MBD5: variants seen among roughly 807,000 people sequenced by gnomAD.
MBD5 encodes the protein methyl-CpG binding domain protein 5.
MBD5 carries 13 observed loss-of-function variants against 117.3 expected under a neutral mutation model. The observed-to-expected ratio is 0.11, with a 90% confidence interval of 0.07 to 0.18. The LOEUF (loss-of-function observed/expected upper bound fraction) is 0.18, where lower values mean the gene tolerates loss of function less well. Ranked by LOEUF, MBD5 falls within the 10% of genes least tolerant of loss-of-function variation. The pLI is 1.00. For missense variants in MBD5, 1,879 were observed against 2,093.8 expected (o/e 0.90, Z 2.00); for synonymous variants, 727 against 766.4 (o/e 0.95, Z 0.85).
At chr2:148,465,140 T>A (rs1707220599) in intron 7 of MBD5, among the ~76,000 whole-genome samples, 1 of 152,208 alleles carries the variant, frequency 6.6e-6, no homozygotes, top group Non-Finnish European at 1.5e-5. Flanking sequence ...TTCCTCAGTT[T>A]GGATTTTCCT....
At chr2:148,132,536 G>C (rs1697075685) in intron 1 of MBD5, among the ~76,000 whole-genome samples, 1 of 151,862 alleles carries the variant, frequency 6.6e-6, no homozygotes. Flanking sequence ...AAATTATGTT[G>C]CTTAAAAAGG....
chr2:148,136,860 T>C (rs1697182753), intron 1 of MBD5, among the ~76,000 whole-genome samples: 1 of 152,148 alleles, frequency 6.6e-6, no homozygotes, highest in African/African-American at 2.4e-5. Flanking sequence ...CCTCCTGGGT[T>C]CAAGCAATTC....
intron 3 of MBD5, chr2:148,330,731 G>GT (rs1017689686): frequency 1.6e-4 from 25 of 152,204 alleles, no homozygotes; most frequent in African/African-American, 5.8e-4. Context: ...CCCAAGATCA[G>GT]TGTGGAGGAG....
intron 3 of MBD5, among the ~76,000 whole-genome samples, chr2:148,273,335 A>T (rs1314056215): frequency 6.6e-6 from 1 of 152,202 alleles, no homozygotes; most frequent in Admixed American, 6.5e-5. Context: ...CATTTGTAAG[A>T]TTAACAAATT....
chr2:148,260,301 CT>C (rs1437706587), intron 3 of MBD5, among the ~76,000 whole-genome samples: 2 of 152,168 alleles, frequency 1.3e-5, no homozygotes, highest in Admixed American at 6.5e-5. Flanking sequence ...TAGATTCCTC[CT>C]CCAGAAGCCA....
chr2:148,083,945 C>T (rs927524060), intron 1 of MBD5, among the ~76,000 whole-genome samples: 1 of 152,084 alleles, frequency 6.6e-6, no homozygotes, highest in East Asian at 1.9e-4. Flanking sequence ...TATTTTTATT[C>T]TTTGTTTACA....
intron 1 of MBD5, among the ~76,000 whole-genome samples, chr2:148,043,041 A>G (rs1214766153): frequency 6.6e-6 from 1 of 152,048 alleles, no homozygotes; most frequent in Admixed American, 6.5e-5. Context: ...GTGCTCTGAA[A>G]ACGAATGAAC....
At chr2:148,399,118 A>T (rs1327681583) in intron 4 of MBD5, among the ~76,000 whole-genome samples, 1 of 152,086 alleles carries the variant, frequency 6.6e-6, no homozygotes, top group African/African-American at 2.4e-5. Flanking sequence ...TTGGCTTAGG[A>T]TTGACTTGGC....
At chr2:148,462,398 A>C (rs1032606125) in intron 5 of MBD5, among the ~76,000 whole-genome samples, 184 bp from the exon 6 acceptor site, 1 of 152,190 alleles carries the variant, frequency 6.6e-6, no homozygotes, top group Non-Finnish European at 1.5e-5. Context: ...ATTTTGGTTC[A>C]AAAGAAAACA....
chr2:148,411,336 G>T (rs1705241701), intron 4 of MBD5, among the ~76,000 whole-genome samples: 1 of 152,044 alleles, frequency 6.6e-6, no homozygotes, highest in Non-Finnish European at 1.5e-5. Context: ...ATGATAGAAT[G>T]ATTTATATTC....
intron 3 of MBD5, among the ~76,000 whole-genome samples, chr2:148,328,148 T>C (rs1702515700): frequency 6.6e-6 from 1 of 152,226 alleles, no homozygotes; most frequent in Non-Finnish European, 1.5e-5. Flanking sequence ...CTAGTTAGGC[T>C]GCTCGGGGGT....
rs1229800294 is a variant in MBD5, at chr2:148,469,678, T to C, written c.1735T>C (p.Leu579=). ...TGCTGCCTCCTTTCCAGCAAGTAGT[T>C]TACTCTCAGCAGCAGCCAAAGCACA... is the stretch of plus-strand genomic sequence containing the variant. ...HNAASFPASS[L]LSAAAKAQLA... Residue 579 remains leucine (L), a synonymous_variant, in exon 8 of 14, where the codon TTA becomes CTA. Coordinates refer to ENST00000642680, the MANE Select transcript of MBD5 (RefSeq NM_001378120.1). The C allele has an allele frequency of 6.2e-7, 1 of 1,613,918 alleles. No homozygotes were observed. The highest frequency in any genetic ancestry group is 8.5e-7 in the Non-Finnish European group (1 of 1,179,888).
At chr2:148,029,164 A>G (rs1367594998) in intron 1 of MBD5, among the ~76,000 whole-genome samples, 2 of 152,148 alleles carry the variant, frequency 1.3e-5, no homozygotes, top group African/African-American at 4.8e-5. Flanking sequence ...CCACTCATTA[A>G]GAATACTTTT....
chr2:148,330,134 A>G (rs888269491), intron 3 of MBD5, among the ~76,000 whole-genome samples: 1 of 91,416 alleles, frequency 1.1e-5, no homozygotes, highest in African/African-American at 3.5e-5. Context: ...CTTAGGCCAA[A>G]AAAGGGTATG....
chr2:148,326,265 A>C (rs13411958), intron 3 of MBD5, among the ~76,000 whole-genome samples: 2,050 of 152,154 alleles, frequency 0.013, 38 homozygotes, highest in African/African-American at 0.043. Context: ...AGTATGTGGT[A>C]AATTTTGGAA....
At chr2:148,050,197 C>T (rs935523333) in intron 1 of MBD5, among the ~76,000 whole-genome samples, 2 of 152,022 alleles carry the variant, frequency 1.3e-5, no homozygotes, top group African/African-American at 2.4e-5. Context: ...CTTACCAACA[C>T]TTGTTGTGTC....
rs1439822005 is a variant in MBD5 at position 148,153,659 on chromosome 2, A to G, written c.-924-25041A>G. Among the ~76,000 whole-genome samples the G allele has an allele frequency of 3.6e-4, 46 of 128,110 alleles. 1 individual carries two copies. The South Asian group carries it at 0.013, about 37-fold the overall frequency. The allele number at this position is 128,110 out of a possible 152,430, so 84.0% of individuals were successfully genotyped here. On this transcript the variant is annotated intron_variant, in intron 1 of 13. Transcript: ENST00000642680. ...CATTTCTTTTTATTCTTTTTTCTCT[A>G]AACTTCCCTTCTCGCTTCATTTCAT...
intron 1 of MBD5, among the ~76,000 whole-genome samples, chr2:148,067,552 T>C (rs1325107846): frequency 6.6e-6 from 1 of 152,208 alleles, no homozygotes; most frequent in Non-Finnish European, 1.5e-5. Context: ...CTCACTCTAC[T>C]TGCTTACAAA....
In MBD5 at chr2:148,342,300, C is replaced by CA. The variant is rs886054903; in HGVS notation, c.-591dup. On this transcript the variant is annotated 5_prime_UTR_variant, in exon 4 of 14. An upstream open reading frame in the 5' UTR gains an earlier in-frame stop. Transcript: ENST00000642680. ...CTCCATTACACTGCTGAGTCACACACAACGCTTGTTATGTTTTCATCACTT... is the reference window on the plus strand; with the variant it reads ...CTCCATTACACTGCTGAGTCACACACAAACGCTTGTTATGTTTTCATCACTT... 10 of 152,012 alleles carry CA rather than the reference C, an allele frequency of 6.6e-5. No individual in the cohort carries two copies. The highest frequency in any genetic ancestry group is 1.5e-4 in the Non-Finnish European group (10 of 67,952). 9.4% of individuals were successfully genotyped at this position (152,012 alleles called of 1,614,324 possible).
Sources: allele counts gnomAD v4.1 joint callset (sites outside exome capture counted in the v4.1 genomes callset), GRCh38; gene constraint gnomAD v4.1.1; transcripts MANE v1.5; gene names NCBI Gene and HGNC (gene_info 2026-07-23, HGNC 2026-07-21).